The following TANC2 variants were observed in gnomAD, a reference collection of about 807,000 sequenced individuals.
The protein encoded by TANC2 is tetratricopeptide repeat, ankyrin repeat and coiled-coil containing 2, also known as protein TANC2.
Under a neutral mutation model 210.5 loss-of-function variants are expected in TANC2, and 26 were observed. The observed-to-expected ratio is 0.12, with a 90% confidence interval of 0.09 to 0.17. The LOEUF is 0.17. Among genes scored for constraint, TANC2 ranks in the 10% least tolerant of loss-of-function variants. The pLI is 1.00. For synonymous variants in TANC2, 931 were observed against 967.1 expected, an observed-to-expected ratio of 0.96 and a Z score of 0.69; for missense variants, 2,129 against 2,608.9, an observed-to-expected ratio of 0.82 and a Z score of 4.01.
At chr17:63,238,525 C>T (rs1323571356) in intron 8 of TANC2, among the ~76,000 whole-genome samples, 2 of 152,114 alleles carry the variant, frequency 1.3e-5, no homozygotes, top group African/African-American at 4.8e-5. Flanking sequence ...GGAAGGCAGA[C>T]AAGAATTCAG....
At chr17:63,279,441 C>T (rs958857755) in intron 9 of TANC2, among the ~76,000 whole-genome samples, 3 of 151,996 alleles carry the variant, frequency 2.0e-5, no homozygotes, top group Admixed American at 6.6e-5. Context: ...GTTGTTATGT[C>T]TGAGCATATA....
intron 8 of TANC2, among the ~76,000 whole-genome samples, chr17:63,239,394 C>G (rs968513500): frequency 2.6e-5 from 4 of 152,210 alleles, no homozygotes; most frequent in African/African-American, 9.6e-5. Context: ...GCTTCTCTTA[C>G]TTTCCTCATG....
At chr17:63,103,505 G>T (rs1227195381) in intron 4 of TANC2, among the ~76,000 whole-genome samples, 1 of 152,052 alleles carries the variant, frequency 6.6e-6, no homozygotes, top group Non-Finnish European at 1.5e-5. Flanking sequence ...GACTGTTTGG[G>T]TTTATATCCC....
At position 62,987,269 on chromosome 17, in the gene TANC2, A is replaced by G. The variant is rs116146911; in HGVS notation, c.-24+20520A>G. ...GCTCCTGGGGTCGTGGTGTTCAGCC[A>G]CTGGTGTGGAATTCGTAGTATAAAG... On this transcript the variant is annotated intron_variant, in intron 1 of 27. Transcript: ENST00000689528. 4.1e-3 allele frequency among the ~76,000 whole-genome samples: 626 copies of G among 152,234 alleles called. 5 individuals carry two copies. The highest frequency in any genetic ancestry group is 0.013 in the African/African-American group (543 of 41,532).
chr17:63,082,354 T>G (rs1455962339), intron 3 of TANC2, among the ~76,000 whole-genome samples: 2 of 152,032 alleles, frequency 1.3e-5, no homozygotes, highest in Non-Finnish European at 2.9e-5. Flanking sequence ...CTGGGGAAAA[T>G]TATTATAGAG....
At chr17:63,101,750 G>A (rs190786331) in intron 4 of TANC2, among the ~76,000 whole-genome samples, 53 of 152,320 alleles carry the variant, frequency 3.5e-4, no homozygotes, top group African/African-American at 1.1e-3. Context: ...AATGCAATAT[G>A]GAAGGGGATA....
chr17:63,077,346 AG>A (rs2036607124), intron 3 of TANC2, among the ~76,000 whole-genome samples: 1 of 152,212 alleles, frequency 6.6e-6, no homozygotes, highest in African/African-American at 2.4e-5. Context: ...ACACTTTCTA[AG>A]GAATCTGTTG....
chr17:63,397,478 G>A (rs1285360278), intron 18 of TANC2, among the ~76,000 whole-genome samples: 1 of 152,174 alleles, frequency 6.6e-6, no homozygotes, highest in African/African-American at 2.4e-5. Flanking sequence ...CGTTAAATCT[G>A]ATATGTGATC....
intron 9 of TANC2, among the ~76,000 whole-genome samples, chr17:63,281,788 AAAG>A (rs1480595028): frequency 1.3e-5 from 2 of 152,112 alleles, no homozygotes; most frequent in African/African-American, 4.8e-5. Context: ...TATTTTTTAA[AAAG>A]AAGAGAAGTC....
rs1282461660 is a variant in TANC2 at position 63,375,961 on chromosome 17, T to C, written c.2583-3757T>C. On this transcript the variant is annotated intron_variant, in intron 14 of 27. Transcript: ENST00000689528. ...AAAATTAGCTGGGCATGGTGGCACATGCCTGTAATCCCAGCTATTTGGGAG... is the reference window on the plus strand; with the variant it reads ...AAAATTAGCTGGGCATGGTGGCACACGCCTGTAATCCCAGCTATTTGGGAG... Among the ~76,000 whole-genome samples, 3 of 151,174 alleles carry C rather than the reference T, an allele frequency of 2.0e-5. No individual in the cohort carries two copies. In the East Asian group the frequency reaches 5.9e-4, roughly 30 times the overall value.
chr17:63,116,947 C>T (rs962596693), intron 4 of TANC2: 3 of 152,054 alleles, frequency 2.0e-5, no homozygotes, highest in African/African-American at 2.4e-5. Context: ...TGTTTTACAG[C>T]GTATATTCAC....
chr17:63,110,537 C>A (rs570768387), intron 4 of TANC2, among the ~76,000 whole-genome samples: 3 of 148,846 alleles, frequency 2.0e-5, no homozygotes, highest in African/African-American at 7.8e-5. Flanking sequence ...GTTTGGTTGT[C>A]TGGTGAGGGC....
At chr17:63,217,233 C>G (rs1261128194) in intron 7 of TANC2, among the ~76,000 whole-genome samples, 1 of 151,930 alleles carries the variant, frequency 6.6e-6, no homozygotes, top group African/African-American at 2.4e-5. Context: ...AAATAGAAAA[C>G]AGTGGAGAAA....
Position 63,205,366 on chromosome 17 carries a change from A to C in TANC2, c.769+4409A>C, listed in dbSNP as rs866534027. Reference sequence around the variant, plus strand: ...AGGCAAAAAAAAAAAAAAAAAAAAAAAAAAAACCTCATACACCGAAAACTA... The same window carrying C: ...AGGCAAAAAAAAAAAAAAAAAAAAACAAAAAACCTCATACACCGAAAACTA... On this transcript the variant is annotated intron_variant, in intron 7 of 27. Coordinates refer to ENST00000689528, the Ensembl canonical transcript of TANC2. Among the ~76,000 whole-genome samples, 480 of 148,336 alleles carry C rather than the reference A, an allele frequency of 3.2e-3. 7 individuals are homozygous for C. Among genetic ancestry groups the C allele is most frequent in the African/African-American group, 0.01 (417 of 40,372 alleles).
intron 2 of TANC2, among the ~76,000 whole-genome samples, chr17:63,042,572 T>C (rs2035230855): frequency 6.6e-6 from 1 of 152,146 alleles, no homozygotes; most frequent in Admixed American, 6.6e-5. Flanking sequence ...ATGACTGTTG[T>C]ATAAGCTGTT....
intron 4 of TANC2, among the ~76,000 whole-genome samples, chr17:63,140,159 A>G (rs1186730898): frequency 6.6e-6 from 1 of 152,194 alleles, no homozygotes; most frequent in Non-Finnish European, 1.5e-5. Context: ...TAAACCTTCA[A>G]ATGATTCTGA....
chr17:63,130,128 G>A lies in TANC2; in HGVS notation c.323-21142G>A, dbSNP rs113150484. Among the ~76,000 whole-genome samples the A allele has an allele frequency of 9.1e-3, 1,390 of 152,202 alleles. 16 individuals are homozygous for A. The highest frequency in any genetic ancestry group is 0.02 in the Middle Eastern group (6 of 294). ...GTTATAAAATAAGAAATAAAGCTGGGAAGGCTATTTATATTTCCTCTCCAG... is the reference window on the plus strand; with the variant it reads ...GTTATAAAATAAGAAATAAAGCTGGAAAGGCTATTTATATTTCCTCTCCAG... On this transcript the variant is annotated intron_variant, in intron 4 of 27. Transcript: ENST00000689528.
intron 2 of TANC2, among the ~76,000 whole-genome samples, chr17:63,071,329 C>T (rs2036389583): frequency 6.6e-6 from 1 of 151,900 alleles, no homozygotes. Flanking sequence ...CCCTTGTCAC[C>T]TAATTGGAGT....
At chr17:63,150,626 G>A (rs2039617062) in intron 4 of TANC2, 1 of 152,122 alleles carries the variant, frequency 6.6e-6, no homozygotes, top group South Asian at 2.1e-4. Context: ...CCTAGTTAAT[G>A]CTTTAGTCCA....
Sources: allele counts gnomAD v4.1 joint callset (sites outside exome capture counted in the v4.1 genomes callset), GRCh38; gene constraint gnomAD v4.1.1; transcripts MANE v1.5; gene names NCBI Gene and HGNC (gene_info 2026-07-23, HGNC 2026-07-21).